FAF1: variants seen among roughly 807,000 people sequenced by gnomAD.
FAF1 encodes the protein FAS-associated factor 1.
In FAF1, 25 loss-of-function variants were observed where a neutral mutation model predicts 92.5. The ratio of observed to expected loss-of-function variants is 0.27; its 90% confidence interval spans 0.20 to 0.38. The LOEUF is 0.38. Among genes scored for constraint, FAF1 ranks in the 10% least tolerant of loss-of-function variants. The probability of loss-of-function intolerance (pLI) is 1.00; values close to 1 mark genes in which losing one functional copy is unlikely to be tolerated. For synonymous variants in FAF1, 234 were observed against 273.2 expected, an observed-to-expected ratio of 0.86 and a Z score of 1.42; for missense variants, 636 against 793.3, an observed-to-expected ratio of 0.80 and a Z score of 2.38.
intron 1 of FAF1, among the ~76,000 whole-genome samples, chr1:50,917,476 C>A (rs987989435): frequency 6.6e-6 from 1 of 151,762 alleles, no homozygotes; most frequent in Admixed American, 6.6e-5. Context: ...AAACATAATG[C>A]CAGATTTTTT....
intron 8 of FAF1, among the ~76,000 whole-genome samples, chr1:50,641,930 C>T (rs960032799): frequency 3.3e-5 from 5 of 151,942 alleles, no homozygotes; most frequent in East Asian, 1.9e-4. Flanking sequence ...TGGCCAGGCG[C>T]GGGGGCTCAT....
chr1:50,552,120 C>T (rs1366930040), intron 13 of FAF1, among the ~76,000 whole-genome samples: 1 of 151,956 alleles, frequency 6.6e-6, no homozygotes, highest in Non-Finnish European at 1.5e-5. Flanking sequence ...CATGATGAAA[C>T]CCTGTCTCTA....
intron 3 of FAF1, 53 bp from the exon 4 acceptor site, chr1:50,788,258 A>G: frequency 1.4e-6 from 2 of 1,441,574 alleles, no homozygotes; most frequent in Middle Eastern, 1.8e-4. Flanking sequence ...ATTACAGAAT[A>G]CTACTAGGGA....
intron 15 of FAF1, among the ~76,000 whole-genome samples, chr1:50,532,850 C>T (rs1648253159): frequency 6.6e-6 from 1 of 152,100 alleles, no homozygotes; most frequent in South Asian, 2.1e-4. Context: ...CTCACTCTGT[C>T]ACCCAGACTG....
At chr1:50,499,982 C>T (rs1004896473) in intron 15 of FAF1, among the ~76,000 whole-genome samples, 29 of 152,142 alleles carry the variant, frequency 1.9e-4, no homozygotes, top group Middle Eastern at 3.4e-3. Context: ...ATCTGTATGT[C>T]GAACATCATA....
chr1:50,650,630 A>G (rs1042365258), intron 8 of FAF1, among the ~76,000 whole-genome samples: 66 of 152,320 alleles, frequency 4.3e-4, no homozygotes, highest in African/African-American at 1.4e-3. Flanking sequence ...AAAAATATAT[A>G]AATAAAAATA....
intron 4 of FAF1, among the ~76,000 whole-genome samples, chr1:50,747,768 GGTA>G (rs1348538162): frequency 6.6e-6 from 1 of 152,176 alleles, no homozygotes; most frequent in Non-Finnish European, 1.5e-5. Context: ...AGTGGGGTCT[GGTA>G]GGAGGTGACT....
intron 7 of FAF1, among the ~76,000 whole-genome samples, chr1:50,700,027 C>T (rs1037367209): frequency 2.1e-4 from 32 of 151,982 alleles, no homozygotes; most frequent in African/African-American, 7.7e-4. Context: ...TTAAATAGCG[C>T]ACTTTAAAAC....
chr1:50,486,548 C>T (rs542193069), intron 17 of FAF1, among the ~76,000 whole-genome samples: 70 of 151,890 alleles, frequency 4.6e-4, no homozygotes, highest in Non-Finnish European at 7.7e-4. Flanking sequence ...TCTCTACGGG[C>T]GCACCGTGAA....
rs1467895188 is a variant in FAF1, at chr1:50,441,190, T to TC, written c.*249_*250insG. 1.8e-5 allele frequency: 7 copies of TC among 389,604 alleles called. No individual in the cohort carries two copies. Among genetic ancestry groups the TC allele is most frequent in the Middle Eastern group, 1.3e-3 (2 of 1,526 alleles). 24.1% of individuals were successfully genotyped at this position (389,604 alleles called of 1,614,324 possible). A position where few individuals can be genotyped will look rare whatever the true frequency, so the allele number is the denominator to read the frequency against. On this transcript the variant is annotated 3_prime_UTR_variant, in exon 19 of 19. Transcript: ENST00000396153. ...CAATGCATTCGTCATTGAAGGAGGG[T>TC]GAAGTGCAGGGGGTAGGGGAGGGTG...
At chr1:50,771,086 T>C (rs569937734) in intron 4 of FAF1, among the ~76,000 whole-genome samples, 29 of 152,274 alleles carry the variant, frequency 1.9e-4, no homozygotes, top group African/African-American at 6.7e-4. Flanking sequence ...CCTTACAGCA[T>C]ATACAAAAAT....
chr1:50,664,189 G>A (rs1395671775), intron 7 of FAF1, among the ~76,000 whole-genome samples: 1 of 150,390 alleles, frequency 6.6e-6, no homozygotes, highest in Non-Finnish European at 1.5e-5. Context: ...GTAGAGACGA[G>A]GTTTCACCAT....
intron 7 of FAF1, among the ~76,000 whole-genome samples, chr1:50,663,777 C>A (rs1655500080): frequency 6.6e-6 from 1 of 151,536 alleles, no homozygotes; most frequent in Admixed American, 6.6e-5. Context: ...TTTACTGATA[C>A]TAAAATTCTT....
At position 50,508,896 on chromosome 1, in the gene FAF1, G is replaced by T. The variant is rs1289345999; in HGVS notation, c.1495-17095C>A. On this transcript the variant is annotated intron_variant, in intron 15 of 18. Transcript: ENST00000396153. ...TTTTTGCATTTTTAGTAGAGACGGG[G>T]TTTCACCATGTTGGCCAAGCTGGTC... Among the ~76,000 whole-genome samples, 6 of 152,098 alleles carry T rather than the reference G, an allele frequency of 3.9e-5. No homozygotes were observed. The East Asian group carries it at 1.2e-3, about 29-fold the overall frequency.
intron 2 of FAF1, among the ~76,000 whole-genome samples, chr1:50,851,043 T>A (rs1644344333): frequency 6.6e-6 from 1 of 152,072 alleles, no homozygotes; most frequent in African/African-American, 2.4e-5. Context: ...ACAGTGCATC[T>A]GATTGATATG....
intron 2 of FAF1, among the ~76,000 whole-genome samples, chr1:50,809,769 T>C (rs543455931): frequency 1.3e-5 from 2 of 152,320 alleles, no homozygotes; most frequent in South Asian, 4.1e-4. Flanking sequence ...AACTCACTGT[T>C]TGAGGCCAGC....
At chr1:50,664,828 G>C (rs988690612) in intron 7 of FAF1, among the ~76,000 whole-genome samples, 1 of 151,658 alleles carries the variant, frequency 6.6e-6, no homozygotes, top group African/African-American at 2.4e-5. Context: ...AAACAAACAG[G>C]TTATGTTTTC....
chr1:50,656,020 A>T (rs996748621), intron 7 of FAF1, among the ~76,000 whole-genome samples: 5 of 152,132 alleles, frequency 3.3e-5, no homozygotes, highest in Admixed American at 2.0e-4. Context: ...AGTTTCAAAG[A>T]TACAGAAACT....
At chr1:50,656,006 T>G (rs1264046492) in intron 7 of FAF1, among the ~76,000 whole-genome samples, 1 of 152,162 alleles carries the variant, frequency 6.6e-6, no homozygotes, top group Non-Finnish European at 1.5e-5. Flanking sequence ...ATATTTTTTA[T>G]GTAAGTTTCA....
Sources: gnomAD v4.1 joint callset for allele counts (sites outside exome capture counted in the v4.1 genomes callset) on GRCh38, gnomAD v4.1.1 for gene constraint, MANE v1.5 for transcripts, NCBI Gene and HGNC (gene_info 2026-07-23, HGNC 2026-07-21) for gene names.